SLC38A9: variants seen among roughly 807,000 people sequenced by gnomAD.
The protein encoded by SLC38A9 is neutral amino acid transporter 9.
SLC38A9 carries 48 observed loss-of-function variants against 62.3 expected under a neutral mutation model. The ratio of observed to expected loss-of-function variants is 0.77; its 90% confidence interval spans 0.61 to 0.98. The LOEUF (loss-of-function observed/expected upper bound fraction) is 0.98, where lower values mean the gene tolerates loss of function less well. SLC38A9 is among the 50% of genes least tolerant of loss of function. The pLI is 0.00. For synonymous variants in SLC38A9, 204 were observed against 227.7 expected, an observed-to-expected ratio of 0.90 and a Z score of 0.94; for missense variants, 541 against 679.8, an observed-to-expected ratio of 0.80 and a Z score of 2.27.
chr5:55,705,437 T>TA (rs1356136611), intron 2 of SLC38A9, among the ~76,000 whole-genome samples: 1 of 42,536 alleles, frequency 2.4e-5, no homozygotes, highest in Non-Finnish European at 6.3e-5. Context: ...ACCTTCATAT[T>TA]ACAAAAAAAA....
chr5:55,640,472 TCTA>T (rs1197820989), intron 12 of SLC38A9, among the ~76,000 whole-genome samples: 1 of 152,160 alleles, frequency 6.6e-6, no homozygotes, highest in Non-Finnish European at 1.5e-5. Context: ...CACTGAGTGT[TCTA>T]CTAAGAAAGG....
chr5:55,662,902 T>G (rs1276337761), intron 8 of SLC38A9, among the ~76,000 whole-genome samples: 1 of 151,494 alleles, frequency 6.6e-6, no homozygotes. Context: ...TAATTCTTTT[T>G]TTTTTTTTTC....
Position 55,631,953 on chromosome 5 carries a change from GA to G in SLC38A9, c.1430+1800del, listed in dbSNP as rs1217104316. Among the ~76,000 whole-genome samples, 29 of 139,910 alleles carry G rather than the reference GA, an allele frequency of 2.1e-4. No individual in the cohort carries two copies. In the South Asian group the frequency reaches 3.2e-3, roughly 15 times the overall value. The allele number at this position is 139,910 out of a possible 152,430, so 91.8% of individuals were successfully genotyped here. The stretch of plus-strand genomic sequence containing the variant: ...GAAATGACATATAGAAATTTCTCTT[GA>G]AAAAAAAAAAGAAATTTCTCTTGGA... On this transcript the variant is annotated intron_variant, in intron 14 of 15. Coordinates refer to ENST00000396865, the MANE Select transcript of SLC38A9 (RefSeq NM_173514.4).
In SLC38A9 at chr5:55,659,937, T is replaced by C. The variant is rs541983160; in HGVS notation, c.698-3163A>G. On this transcript the variant is annotated intron_variant, in intron 8 of 15. Coordinates refer to ENST00000396865, the MANE Select transcript of SLC38A9 (RefSeq NM_173514.4). ...CCCGCCACCATGCCCGGCTAATTTT[T>C]GTGTACTTTTAGTAGAGACAGGGTT... Among the ~76,000 whole-genome samples, 6 of 151,322 alleles carry C rather than the reference T, an allele frequency of 4.0e-5. No homozygotes were observed. In the South Asian group the frequency reaches 1.3e-3, roughly 32 times the overall value.
chr5:55,672,527 T>G (rs759646208), intron 4 of SLC38A9, 36 bp downstream of exon 4: 1 of 1,606,802 alleles, frequency 6.2e-7, no homozygotes, highest in Non-Finnish European at 8.5e-7. Flanking sequence ...TCATTTCAAC[T>G]GAATTTTAGA....
intron 13 of SLC38A9, chr5:55,635,285 G>A: frequency 2.0e-6 from 1 of 505,112 alleles, no homozygotes; most frequent in South Asian, 2.1e-5. Flanking sequence ...GTACCACAAG[G>A]TGCCTGGCAT....
rs537176327 is a variant in SLC38A9 at position 55,654,973 on chromosome 5, G to T, written c.757+1742C>A. ...TTGCCTCAGCCTCCCGAGTAGCTCG[G>T]ACTACAGGTGCACGCCACTATGGCC... On this transcript the variant is annotated intron_variant, in intron 9 of 15. Transcript: ENST00000396865. 1.5e-3 allele frequency among the ~76,000 whole-genome samples: 227 copies of T among 152,136 alleles called. 8 individuals carry two copies. In the South Asian group the frequency reaches 0.046, roughly 31 times the overall value.
chr5:55,669,567 C>A lies in SLC38A9; in HGVS notation c.422G>T (p.Gly141Val), dbSNP rs1409376832. 1.9e-6 allele frequency: 3 copies of A among 1,607,746 alleles called. No homozygotes were observed. Among genetic ancestry groups the A allele is most frequent in the East Asian group, 2.2e-5 (1 of 44,678 alleles). ...AAAAATTAGTATTACCTGTTTTATG[C>A]CCCAAGGAATGCTTAGTATAGATGT... is the stretch of plus-strand genomic sequence containing the variant. ...MGTSILSIPW[G>V]IKQAGFTTGM... is the part of the protein sequence containing the mutation. Residue 141 changes from glycine to valine, a missense_variant, in exon 6 of 16, where the codon GGC (glycine) becomes GTC (valine). Transcript: ENST00000396865.
chr5:55,705,902 G>A (rs1026827279), intron 2 of SLC38A9, among the ~76,000 whole-genome samples: 1 of 152,076 alleles, frequency 6.6e-6, no homozygotes, highest in African/African-American at 2.4e-5. Context: ...TAGAGACGGG[G>A]TTTCACCATA....
intron 12 of SLC38A9, among the ~76,000 whole-genome samples, chr5:55,638,472 C>G (rs1416002817): frequency 6.6e-6 from 1 of 152,132 alleles, no homozygotes; most frequent in African/African-American, 2.4e-5. Flanking sequence ...CTGACTCTGT[C>G]TTGTGAATAA....
intron 3 of SLC38A9, among the ~76,000 whole-genome samples, chr5:55,678,514 A>G (rs1388881979): frequency 6.6e-6 from 1 of 152,310 alleles, no homozygotes; most frequent in East Asian, 1.9e-4. Flanking sequence ...ATAGCATGGA[A>G]TACTAAATAT....
At chr5:55,657,142 C>A (rs555204171) in intron 8 of SLC38A9, among the ~76,000 whole-genome samples, 1 of 152,240 alleles carries the variant, frequency 6.6e-6, no homozygotes, top group East Asian at 1.9e-4. Context: ...CCGGGCCCAG[C>A]CTATAAAAAT....
intron 3 of SLC38A9, among the ~76,000 whole-genome samples, chr5:55,690,705 C>T (rs1285114354): frequency 6.6e-6 from 1 of 152,138 alleles, no homozygotes; most frequent in Non-Finnish European, 1.5e-5. Flanking sequence ...GATCTATCTA[C>T]TGTTACCTAT....
chr5:55,688,293 T>G (rs142289130), intron 3 of SLC38A9, among the ~76,000 whole-genome samples: 3 of 152,142 alleles, frequency 2.0e-5, no homozygotes, highest in Non-Finnish European at 4.4e-5. Flanking sequence ...TCCAATACTA[T>G]GTTGAATAGG....
chr5:55,709,008 C>T (rs1364261402), intron 2 of SLC38A9, among the ~76,000 whole-genome samples: 1 of 152,204 alleles, frequency 6.6e-6, no homozygotes, highest in Non-Finnish European at 1.5e-5. Context: ...ATATTTTCTT[C>T]TGTATTAGTC....
At chr5:55,634,083 A>T in intron 13 of SLC38A9, 181 bp from the exon 14 acceptor site, 1 of 427,872 alleles carries the variant, frequency 2.3e-6, no homozygotes, top group Non-Finnish European at 4.1e-6. Flanking sequence ...AGAAACCGAA[A>T]GTGTTCAGAA....
intron 3 of SLC38A9, among the ~76,000 whole-genome samples, chr5:55,694,584 A>G (rs1755198249): frequency 6.6e-6 from 1 of 152,142 alleles, no homozygotes; most frequent in Non-Finnish European, 1.5e-5. Flanking sequence ...AGGTGTCAGT[A>G]ATACCTTAAT....
At chr5:55,683,650 C>T (rs886850696) in intron 3 of SLC38A9, among the ~76,000 whole-genome samples, 5 of 152,062 alleles carry the variant, frequency 3.3e-5, no homozygotes, top group Admixed American at 6.6e-5. Context: ...TAGAATAATA[C>T]AATATATATT....
At position 55,635,538 on chromosome 5, in the gene SLC38A9, C is replaced by A. The variant is rs751881735; in HGVS notation, c.1281+6G>T. On this transcript the variant is annotated splice_donor_region_variant and intron_variant, in intron 13 of 15. Coordinates refer to ENST00000396865, the MANE Select transcript of SLC38A9 (RefSeq NM_173514.4). ...AATCACACAGAGAGGGTACACGGTGCCTTACCTGCTCAATACAATCTTTGG... is the reference window on the plus strand; with the variant it reads ...AATCACACAGAGAGGGTACACGGTGACTTACCTGCTCAATACAATCTTTGG... 4 of 1,592,076 alleles carry A rather than the reference C, an allele frequency of 2.5e-6. No individual in the cohort carries two copies. Among genetic ancestry groups the A allele is most frequent in the Non-Finnish European group, 3.4e-6 (4 of 1,160,096 alleles).
Sources: allele counts gnomAD v4.1 joint callset (sites outside exome capture counted in the v4.1 genomes callset), GRCh38; gene constraint gnomAD v4.1.1; transcripts MANE v1.5; gene names NCBI Gene and HGNC (gene_info 2026-07-23, HGNC 2026-07-21).